The following ANTXR2 variants were observed in gnomAD, a reference collection of about 807,000 sequenced individuals.
ANTXR2 encodes the protein anthrax toxin receptor 2.
In ANTXR2, 44 loss-of-function variants were observed where a neutral mutation model predicts 73.7. The observed-to-expected ratio is 0.60, with a 90% CI of 0.47 to 0.77. The LOEUF (loss-of-function observed/expected upper bound fraction) is 0.77. Ranked by LOEUF, ANTXR2 falls within the 30% of genes least tolerant of loss-of-function variation. ANTXR2 has a pLI of 0.00. For synonymous variants in ANTXR2, 217 were observed against 205.9 expected (o/e 1.05, Z -0.46); for missense variants, 604 against 592.5 (o/e 1.02, Z -0.20).
chr4:80,038,745 A>T (rs1733097480), intron 7 of ANTXR2, among the ~76,000 whole-genome samples: 1 of 152,092 alleles, frequency 6.6e-6, no homozygotes, highest in Non-Finnish European at 1.5e-5. Context: ...ACATTCATTG[A>T]AAAGCAAATA....
chr4:79,980,472 A>C (rs775302200), intron 14 of ANTXR2, among the ~76,000 whole-genome samples: 35 of 152,200 alleles, frequency 2.3e-4, no homozygotes, highest in Non-Finnish European at 5.1e-4. Flanking sequence ...TTAATATATC[A>C]GGCTTTATTA....
intron 12 of ANTXR2, among the ~76,000 whole-genome samples, chr4:79,985,838 C>CTTTTTTT (rs572381265): frequency 3.6e-5 from 4 of 111,670 alleles, no homozygotes; most frequent in African/African-American, 6.5e-5. Context: ...ACAGTTAATT[C>CTTTTTTT]TTTTTTTTTT....
chr4:80,011,865 G>C (rs1483666413), intron 11 of ANTXR2, among the ~76,000 whole-genome samples: 2 of 152,188 alleles, frequency 1.3e-5, no homozygotes, highest in Admixed American at 6.5e-5. Context: ...GCTGATGTCT[G>C]GGATTAGTGT....
chr4:79,988,229 TTATATATATA>T (rs70944756), intron 12 of ANTXR2, among the ~76,000 whole-genome samples: 3,115 of 67,868 alleles, frequency 0.046, 63 homozygotes, highest in African/African-American at 0.088. Context: ...CACATAAATT[TTATATATATA>T]TATATATATA....
In ANTXR2 at chr4:80,055,459, T is replaced by C. The variant is rs562739042; in HGVS notation, c.387A>G (p.Glu129=). The C allele has an allele frequency of 1.9e-6, 3 of 1,608,862 alleles. 1 individual carries two copies. Among genetic ancestry groups the C allele is most frequent in the South Asian group, 2.2e-5 (2 of 90,618 alleles). ...TCAAGCCTCCTGCTTTCTGAATTTG[T>C]TCATTCGCCTGAAAATGAAGAATAA... ...YIHEGLKLAN[E]QIQKAGGLKT... is the part of the protein sequence containing the mutation. The change falls in exon 5 of 17, where the codon GAA becomes GAG. Residue 129 remains glutamate (E), a synonymous_variant. Transcript: ENST00000403729.
At chr4:79,976,225 T>A (rs1185777649) in intron 16 of ANTXR2, among the ~76,000 whole-genome samples, 6 of 150,412 alleles carry the variant, frequency 4.0e-5, no homozygotes, top group South Asian at 2.1e-4. Context: ...AAATCGCATT[T>A]AAAAAAAAAA....
At chr4:80,002,282 C>T (rs919487674) in intron 12 of ANTXR2, among the ~76,000 whole-genome samples, 14 of 152,182 alleles carry the variant, frequency 9.2e-5, no homozygotes, top group East Asian at 1.9e-4. Flanking sequence ...CGATCTTTGA[C>T]GAACCTGACA....
chr4:80,059,916 G>A lies in ANTXR2; in HGVS notation c.297-3903C>T, dbSNP rs538022551. Among the ~76,000 whole-genome samples, 5 of 152,266 alleles carry A rather than the reference G, an allele frequency of 3.3e-5. No homozygotes were observed. The South Asian group carries it at 1.0e-3, about 32-fold the overall frequency. On this transcript the variant is annotated intron_variant, in intron 3 of 16. Coordinates refer to ENST00000403729, the MANE Select transcript of ANTXR2 (RefSeq NM_058172.6). ...ACTGAAATCATGGTGTCATAAAACA[G>A]TCTGCAGGGAATCCTGAATTGACCA...
intron 12 of ANTXR2, among the ~76,000 whole-genome samples, chr4:79,990,862 G>C (rs191511403): frequency 6.6e-6 from 1 of 152,150 alleles, no homozygotes; most frequent in East Asian, 1.9e-4. Flanking sequence ...AGTGGGGAAA[G>C]GACTCCCTAT....
intron 16 of ANTXR2, among the ~76,000 whole-genome samples, chr4:79,937,583 G>C (rs950980183): frequency 6.6e-6 from 1 of 152,100 alleles, no homozygotes; most frequent in Admixed American, 6.5e-5. Flanking sequence ...GATTTGTTCC[G>C]TTATCTAAAC....
chr4:79,989,620 T>C (rs972379404), intron 12 of ANTXR2, among the ~76,000 whole-genome samples: 1 of 152,078 alleles, frequency 6.6e-6, no homozygotes, highest in Non-Finnish European at 1.5e-5. Context: ...GACACCTCCA[T>C]AACTCATTCT....
chr4:79,984,690 T>C, intron 13 of ANTXR2, 129 bp downstream of exon 13: 1 of 813,052 alleles, frequency 1.2e-6, no homozygotes, highest in Middle Eastern at 2.3e-4. Context: ...AACCACTGAT[T>C]TGTATAAATT....
chr4:80,063,342 G>A (rs1734348708), intron 3 of ANTXR2, among the ~76,000 whole-genome samples: 1 of 152,098 alleles, frequency 6.6e-6, no homozygotes, highest in African/African-American at 2.4e-5. Flanking sequence ...ACTCTCCATA[G>A]TAATGGTTGA....
rs897277680 is a variant in ANTXR2 at position 79,928,323 on chromosome 4, G to T, written c.1429-20856C>A. On this transcript the variant is annotated intron_variant, in intron 16 of 16. Transcript: ENST00000403729. ...TAAAACATTCAAATTCATAGAGACAGAATAAAATAGTGGTTACTGGGAATT... is the reference window on the plus strand; with the variant it reads ...TAAAACATTCAAATTCATAGAGACATAATAAAATAGTGGTTACTGGGAATT... 2.6e-5 allele frequency among the ~76,000 whole-genome samples: 4 copies of T among 152,144 alleles called. No homozygotes were observed. In the East Asian group the frequency reaches 7.7e-4, roughly 29 times the overall value.
At chr4:79,920,684 A>G (rs556418514) in intron 16 of ANTXR2, among the ~76,000 whole-genome samples, 90 of 152,136 alleles carry the variant, frequency 5.9e-4, no homozygotes, top group Non-Finnish European at 1.2e-3. Context: ...AAAGTAGAAG[A>G]TGTGGTCAAA....
At chr4:80,046,017 T>C (rs1474905704) in intron 7 of ANTXR2, among the ~76,000 whole-genome samples, 1 of 151,762 alleles carries the variant, frequency 6.6e-6, no homozygotes, top group Non-Finnish European at 1.5e-5. Flanking sequence ...TTTCTAAATA[T>C]GGATTCTCTT....
intron 7 of ANTXR2, among the ~76,000 whole-genome samples, chr4:80,047,950 T>C (rs113925944): frequency 4.2e-4 from 64 of 151,774 alleles, no homozygotes; most frequent in African/African-American, 1.3e-3. Context: ...AGAGTCTTAA[T>C]ACAGTGAAAC....
intron 16 of ANTXR2, among the ~76,000 whole-genome samples, chr4:79,937,748 T>C (rs1728331765): frequency 1.3e-5 from 2 of 152,062 alleles, no homozygotes; most frequent in Admixed American, 6.5e-5. Context: ...TAGGAACAGC[T>C]CCGGTCTACA....
intron 16 of ANTXR2, among the ~76,000 whole-genome samples, chr4:79,952,994 C>T (rs1264212038): frequency 6.6e-6 from 1 of 152,056 alleles, no homozygotes; most frequent in East Asian, 1.9e-4. Flanking sequence ...ATCTAAACAA[C>T]AAGTTCTATG....
Sources: gnomAD v4.1 joint callset for allele counts (sites outside exome capture counted in the v4.1 genomes callset) on GRCh38, gnomAD v4.1.1 for gene constraint, MANE v1.5 for transcripts, NCBI Gene and HGNC (gene_info 2026-07-23, HGNC 2026-07-21) for gene names.